The following FBXO11 variants were observed in gnomAD, a reference collection of about 807,000 sequenced individuals.
FBXO11 encodes F-box only protein 11.
In FBXO11, 13 loss-of-function variants were observed where a neutral mutation model predicts 117.0. That is an observed-to-expected ratio of 0.11 (90% CI 0.07 to 0.18). FBXO11 has a LOEUF of 0.18. Among genes scored for constraint, FBXO11 ranks in the 10% least tolerant of loss-of-function variants. The pLI, the probability that FBXO11 is intolerant of heterozygous loss-of-function variation, is 1.00. For missense variants in FBXO11, 767 were observed against 1,164.4 expected (o/e 0.66, Z 4.97); for synonymous variants, 490 against 380.5 (o/e 1.29, Z -3.35).
chr2:47,840,726 C>G (rs1040790427), intron 1 of FBXO11, among the ~76,000 whole-genome samples: 8 of 151,670 alleles, frequency 5.3e-5, no homozygotes, highest in African/African-American at 1.9e-4. Flanking sequence ...GTGCTTTCAA[C>G]AGAGCACGGC....
chr2:47,870,538 G>A (rs1228531930), intron 1 of FBXO11, among the ~76,000 whole-genome samples: 1 of 152,166 alleles, frequency 6.6e-6, no homozygotes, highest in African/African-American at 2.4e-5. Flanking sequence ...TGTGACAAGA[G>A]GCAGAGACTG....
At chr2:47,870,416 G>GA (rs905778851) in intron 1 of FBXO11, among the ~76,000 whole-genome samples, 1 of 152,078 alleles carries the variant, frequency 6.6e-6, no homozygotes, top group African/African-American at 2.4e-5. Flanking sequence ...TAGGGTCTTT[G>GA]AAAATGCAAG....
intron 1 of FBXO11, among the ~76,000 whole-genome samples, chr2:47,897,091 G>A (rs1287085487): frequency 6.6e-6 from 1 of 152,008 alleles, no homozygotes; most frequent in Admixed American, 6.6e-5. Context: ...ACATACCAAA[G>A]TTGTCCATCT....
At chr2:47,863,066 A>C (rs548873585) in intron 1 of FBXO11, among the ~76,000 whole-genome samples, 54 of 131,212 alleles carry the variant, frequency 4.1e-4, no homozygotes, top group African/African-American at 1.2e-3. Flanking sequence ...AAAAAAAAAA[A>C]AAAAACAAAA....
chr2:47,869,758 A>T (rs1304065301), intron 1 of FBXO11, among the ~76,000 whole-genome samples: 1 of 152,258 alleles, frequency 6.6e-6, no homozygotes, highest in Non-Finnish European at 1.5e-5. Flanking sequence ...CGTGTTTTGC[A>T]TCCTTTTTTG....
intron 1 of FBXO11, among the ~76,000 whole-genome samples, chr2:47,875,459 C>A (rs918028341): frequency 1.3e-5 from 2 of 150,454 alleles, no homozygotes; most frequent in Middle Eastern, 3.2e-3. Context: ...ATTACATCTT[C>A]CATCTTCCTT....
At chr2:47,904,619 C>T (rs911060154) in intron 1 of FBXO11, among the ~76,000 whole-genome samples, 21 of 125,214 alleles carry the variant, frequency 1.7e-4, no homozygotes, top group Non-Finnish European at 2.9e-4. Flanking sequence ...CACACACACA[C>T]ACAAAATATC....
At chr2:47,811,368 G>C (rs541410727) in intron 18 of FBXO11, 2 of 152,332 alleles carry the variant, frequency 1.3e-5, no homozygotes, top group East Asian at 3.9e-4. Flanking sequence ...GGGATTACAA[G>C]CACCTGCCAC....
intron 1 of FBXO11, among the ~76,000 whole-genome samples, chr2:47,891,652 G>T (rs970526956): frequency 1.3e-5 from 2 of 152,132 alleles, no homozygotes; most frequent in Non-Finnish European, 1.5e-5. Context: ...AAGAATTGCT[G>T]GATCATATGA....
rs527259760 is a variant in FBXO11, at chr2:47,825,033, T to C, written c.1399-1673A>G. Among the ~76,000 whole-genome samples the C allele has an allele frequency of 1.3e-3, 192 of 152,328 alleles. 1 individual carries two copies. Among genetic ancestry groups the C allele is most frequent in the African/African-American group, 4.4e-3 (183 of 41,574 alleles). On this transcript the variant is annotated intron_variant, in intron 11 of 22. Transcript: ENST00000403359. Reference sequence around the variant, plus strand: ...AAGCTCCTGTCTGGACTATTCTAACTTCTGGAGCATGTATGTAAGACTTTA... The same window carrying C: ...AAGCTCCTGTCTGGACTATTCTAACCTCTGGAGCATGTATGTAAGACTTTA...
intron 1 of FBXO11, chr2:47,883,333 A>G (rs1676573361): frequency 1.1e-5 from 2 of 178,666 alleles, no homozygotes; most frequent in South Asian, 2.4e-4. Flanking sequence ...GACGCTTTAA[A>G]TAATAAAGGG....
At chr2:47,876,632 T>G (rs1233697766) in intron 1 of FBXO11, among the ~76,000 whole-genome samples, 3 of 152,246 alleles carry the variant, frequency 2.0e-5, no homozygotes, top group Non-Finnish European at 4.4e-5. Context: ...AACTAATATT[T>G]TAGTGTAGGG....
intron 11 of FBXO11, among the ~76,000 whole-genome samples, chr2:47,831,427 G>GAAAAAAA (rs920107554): frequency 7.7e-3 from 465 of 60,568 alleles, no homozygotes; most frequent in Middle Eastern, 0.014. Context: ...GTCTCAAAAA[G>GAAAAAAA]AAAAAAAAAA....
At chr2:47,816,231 G>A (rs917345758) in intron 16 of FBXO11, among the ~76,000 whole-genome samples, 1 of 152,088 alleles carries the variant, frequency 6.6e-6, no homozygotes, top group Non-Finnish European at 1.5e-5. Flanking sequence ...CCAGGCTGGA[G>A]CACAGTGGTA....
In FBXO11 at chr2:47,906,023, A is replaced by C; in HGVS notation, c.-303T>G. On this transcript the variant is annotated 5_prime_UTR_variant, in exon 1 of 23. Coordinates refer to ENST00000403359, the MANE Select transcript of FBXO11 (RefSeq NM_001190274.2). ...GCAGAAAGACGGGCAGACCGAGAGA[A>C]AGAAAGAAAGGGCGTCCGCCGCTTG... 1 of 254,790 alleles carries C rather than the reference A, an allele frequency of 3.9e-6. No homozygotes were observed. Among genetic ancestry groups the C allele is most frequent in the Non-Finnish European group, 7.6e-6 (1 of 131,780 alleles). The allele number at this position is 254,790 out of a possible 1,614,324, so 15.8% of individuals were successfully genotyped here.
intron 1 of FBXO11, among the ~76,000 whole-genome samples, chr2:47,862,256 A>G (rs1558452224): frequency 6.6e-6 from 1 of 152,064 alleles, no homozygotes; most frequent in Non-Finnish European, 1.5e-5. Context: ...TTTAAATCAG[A>G]TTTAAGTTAC....
At chr2:47,861,084 A>G (rs1361196627) in intron 1 of FBXO11, among the ~76,000 whole-genome samples, 1 of 151,876 alleles carries the variant, frequency 6.6e-6, no homozygotes, top group Admixed American at 6.6e-5. Context: ...TCCCAACCTC[A>G]GGTGATCCAC....
At chr2:47,902,932 A>AC (rs1338756309) in intron 1 of FBXO11, among the ~76,000 whole-genome samples, 1 of 151,700 alleles carries the variant, frequency 6.6e-6, no homozygotes, top group East Asian at 1.9e-4. Context: ...AAAAAAAAAA[A>AC]CAAAAACCAC....
Position 47,822,383 on chromosome 2 carries a change from A to G in FBXO11, c.1617-80T>C, listed in dbSNP as rs1572783733. The G allele has an allele frequency of 3.7e-6, 3 of 802,834 alleles. No homozygotes were observed. In the East Asian group the frequency reaches 8.0e-5, roughly 22 times the overall value. The allele number at this position is 802,834 out of a possible 1,614,324, so 49.7% of individuals were successfully genotyped here. On this transcript the variant is annotated intron_variant, in intron 12 of 22. Coordinates refer to ENST00000403359, the MANE Select transcript of FBXO11 (RefSeq NM_001190274.2). ...GTTTTATACAACGGTAAGGCCCCTC[A>G]TGGTCATATAACAAATTACATAAAC...
Sources: gnomAD v4.1 joint callset for allele counts (sites outside exome capture counted in the v4.1 genomes callset) on GRCh38, gnomAD v4.1.1 for gene constraint, MANE v1.5 for transcripts, NCBI Gene and HGNC (gene_info 2026-07-23, HGNC 2026-07-21) for gene names.